SEPTIN8: variants seen among roughly 807,000 people sequenced by gnomAD.
The protein encoded by SEPTIN8 is septin-8.
SEPTIN8 carries 22 observed loss-of-function variants against 53.1 expected under a neutral mutation model. That is an observed-to-expected ratio of 0.41 (90% confidence interval 0.30 to 0.59). The LOEUF (loss-of-function observed/expected upper bound fraction) is 0.59, where lower values mean the gene tolerates loss of function less well. SEPTIN8 is among the 20% of genes least tolerant of loss of function. The pLI, the probability that SEPTIN8 is intolerant of heterozygous loss-of-function variation, is 0.24. For synonymous variants in SEPTIN8, 228 were observed against 248.4 expected (o/e 0.92, Z 0.77); for missense variants, 536 against 638.7 (o/e 0.84, Z 1.73).
At chr5:132,754,257 C>T in intron 9 of SEPTIN8, 1 of 615,384 alleles carries the variant, frequency 1.6e-6, no homozygotes, top group Non-Finnish European at 3.0e-6. Flanking sequence ...ATATCAAGAA[C>T]TCTCCTCTAG....
At position 132,751,864 on chromosome 5, in the gene SEPTIN8, T is replaced by G; in HGVS notation, c.*152A>C. On this transcript the variant is annotated 3_prime_UTR_variant, in exon 10 of 10. Transcript: ENST00000378719. ...AGGAATGAAAAGGGTTGGGCAACATTTGATGTTCCCTGATGGAAATTTAAA... is the reference window on the plus strand; with the variant it reads ...AGGAATGAAAAGGGTTGGGCAACATGTGATGTTCCCTGATGGAAATTTAAA... 2 of 1,362,470 alleles carry G rather than the reference T, an allele frequency of 1.5e-6. No individual in the cohort carries two copies. The highest frequency in any genetic ancestry group is 5.0e-5 in the East Asian group (2 of 39,978). The allele number at this position is 1,362,470 out of a possible 1,614,324, so 84.4% of individuals were successfully genotyped here.
At position 132,751,030 on chromosome 5, in the gene SEPTIN8, A is replaced by G; in HGVS notation, c.*986T>C. 1.9e-6 allele frequency: 3 copies of G among 1,606,384 alleles called. No homozygotes were observed. The highest frequency in any genetic ancestry group is 2.5e-6 in the Non-Finnish European group (3 of 1,177,188). ...AGGAGGTGTTTACAGAGTCTACCCT[A>G]AACTCGTTTGTGCCTTTGGAACAGC... On this transcript the variant is annotated 3_prime_UTR_variant, in exon 10 of 10. Transcript: ENST00000378719.
chr5:132,770,240 G>A (rs1351147372), intron 1 of SEPTIN8, among the ~76,000 whole-genome samples: 1 of 150,096 alleles, frequency 6.7e-6, no homozygotes, highest in Non-Finnish European at 1.5e-5. Flanking sequence ...CTGGAGTGGT[G>A]TGATCTCAGC....
At position 132,760,932 on chromosome 5, in the gene SEPTIN8, C is replaced by G; in HGVS notation, c.1156G>C (p.Glu386Gln). The change falls in exon 9 of 10, where the codon GAA (glutamate) becomes CAA (glutamine). Residue 386 changes from glutamate (E) to glutamine (Q), a missense_variant. Physicochemically the swap from Glu to Gln is conservative, Grantham distance 29. Around this residue, in one of 3 missense-constraint regions of SEPTIN8, gnomAD observed 133 missense variants for 157.4 expected, o/e 0.84. Transcript: ENST00000378719. The surrounding 1 kb of genome is among the most constrained non-coding windows in gnomAD (Gnocchi z 5.2). ...TCCTCCTCCAGTTCCCGGCGCTTTT[C>G]CTCCACCTTGCGCTTCTCCTCCTGG... ...VHQEEKRKVE[E>Q]KRRELEEETN... is the part of the protein sequence containing the mutation. 6.2e-7 allele frequency: 1 copy of G among 1,603,678 alleles called. No individual in the cohort carries two copies. Among genetic ancestry groups the G allele is most frequent in the Non-Finnish European group, 8.5e-7 (1 of 1,176,216 alleles).
chr5:132,758,151 C>T (rs1399564128), intron 9 of SEPTIN8: 11 of 1,037,284 alleles, frequency 1.1e-5, no homozygotes, highest in East Asian at 8.2e-5. Flanking sequence ...ACTGTCATTA[C>T]AGGAAGTTTA....
chr5:132,765,223 G>T (rs1756461429), intron 2 of SEPTIN8, among the ~76,000 whole-genome samples, 186 bp downstream of exon 2: 1 of 152,088 alleles, frequency 6.6e-6, no homozygotes, highest in African/African-American at 2.4e-5. Flanking sequence ...ACAATGCTGT[G>T]TCAGGCCCTG....
At chr5:132,778,135 A>T (rs1019204587), upstream of SEPTIN8, 18 of 943,830 alleles carry the variant, frequency 1.9e-5, no homozygotes, top group Non-Finnish European at 2.1e-5. Flanking sequence ...CTGACAATCT[A>T]TACAAAAGCA....
At position 132,777,195 on chromosome 5, in the gene SEPTIN8, C is replaced by G. The variant is rs1401297589; in HGVS notation, c.-58G>C. 1 of 1,162,228 alleles carries G rather than the reference C, an allele frequency of 8.6e-7. No homozygotes were observed. The allele number at this position is 1,162,228 out of a possible 1,614,324, so 72.0% of individuals were successfully genotyped here. On this transcript the variant is annotated 5_prime_UTR_variant, in exon 1 of 10. Coordinates refer to ENST00000378719, the MANE Select transcript of SEPTIN8 (RefSeq NM_001098811.2). The surrounding 1 kb of genome is among the most constrained non-coding windows in gnomAD (Gnocchi z 4.1). ...CGAGCGCAGGGGCAGCGACAGGGAC[C>G]AGCCGGCTGCGGGACGCGCTCCGCC...
chr5:132,752,961 T>C, intron 9 of SEPTIN8: 2 of 1,613,886 alleles, frequency 1.2e-6, no homozygotes, highest in African/African-American at 1.3e-5. Flanking sequence ...TTGTGTCACC[T>C]GCCAACTAGC....
At chr5:132,755,861 A>T in intron 9 of SEPTIN8, 1 of 660,736 alleles carries the variant, frequency 1.5e-6, no homozygotes, top group Non-Finnish European at 1.9e-6. Context: ...GTTTCCTATT[A>T]AAACAATTCC....
At chr5:132,769,023 A>C (rs1347506261) in intron 1 of SEPTIN8, among the ~76,000 whole-genome samples, 1 of 152,228 alleles carries the variant, frequency 6.6e-6, no homozygotes, top group Non-Finnish European at 1.5e-5. Flanking sequence ...AAGGAGGGAC[A>C]GTGTGGAAGG....
At chr5:132,758,571 C>A (rs1196239188) in intron 9 of SEPTIN8, 2 of 1,612,016 alleles carry the variant, frequency 1.2e-6, no homozygotes, top group Non-Finnish European at 1.7e-6. Context: ...AAAAAATAAA[C>A]CTCGTCAGTT....
rs1285307758 is a variant in SEPTIN8 at position 132,770,076 on chromosome 5, T to C, written c.31-4547A>G. 1.7e-3 allele frequency among the ~76,000 whole-genome samples: 106 copies of C among 60,696 alleles called. 2 individuals are homozygous for C. The African/African-American group carries it at 0.028, about 16-fold the overall frequency. The allele number at this position is 60,696 out of a possible 152,430, so 39.8% of individuals were successfully genotyped here. ...GTGTGTGTGTGTGTATATATATATATATATGTATATATGTATATATATATG... is the reference window on the plus strand; with the variant it reads ...GTGTGTGTGTGTGTATATATATATACATATGTATATATGTATATATATATG... On this transcript the variant is annotated intron_variant, in intron 1 of 9. Transcript: ENST00000378719.
In SEPTIN8 at chr5:132,760,946, T is replaced by C. The variant is rs201821365; in HGVS notation, c.1142A>G (p.Lys381Arg). 7.3e-5 allele frequency: 117 copies of C among 1,597,424 alleles called. No individual in the cohort carries two copies. Among genetic ancestry groups the C allele is most frequent in the Middle Eastern group, 5.2e-4 (3 of 5,818 alleles). The change falls in exon 9 of 10, where the codon AAG (lysine) becomes AGG (arginine). Residue 381 changes from lysine to arginine, a missense_variant. Around this residue, in one of 3 missense-constraint regions of SEPTIN8, gnomAD observed 133 missense variants for 157.4 expected, o/e 0.84. Transcript: ENST00000378719. This position sits in a 1 kb window ranked among gnomAD's most constrained non-coding sequence, Gnocchi z 5.2. ...CCGGCGCTTTTCCTCCACCTTGCGC[T>C]TCTCCTCCTGGTGGACCCGCTTCAG... ...EHLKRVHQEE[K>R]RKVEEKRREL...
intron 2 of SEPTIN8, 68 bp from the exon 3 acceptor site, chr5:132,764,487 T>C (rs1756377626): frequency 1.5e-6 from 2 of 1,364,448 alleles, no homozygotes; most frequent in South Asian, 2.8e-5. Context: ...CCTTGACTGG[T>C]GGCTAGGCCA....
chr5:132,762,755 G>A (rs888832082), intron 4 of SEPTIN8, 110 bp from the exon 5 acceptor site: 15 of 1,234,668 alleles, frequency 1.2e-5, no homozygotes, highest in Admixed American at 3.7e-5. Context: ...CCCTGGGCAG[G>A]GGGAAGGAGG....
At position 132,751,035 on chromosome 5, in the gene SEPTIN8, C is replaced by T. The variant is rs767510796; in HGVS notation, c.*981G>A. On this transcript the variant is annotated 3_prime_UTR_variant, in exon 10 of 10. Coordinates refer to ENST00000378719, the MANE Select transcript of SEPTIN8 (RefSeq NM_001098811.2). Reference sequence around the variant, plus strand: ...GTGTTTACAGAGTCTACCCTAAACTCGTTTGTGCCTTTGGAACAGCTGTTT... The same window carrying T: ...GTGTTTACAGAGTCTACCCTAAACTTGTTTGTGCCTTTGGAACAGCTGTTT... 9.4e-6 allele frequency: 15 copies of T among 1,603,612 alleles called. No individual in the cohort carries two copies. The Middle Eastern group carries it at 5.0e-4, about 53-fold the overall frequency.
At position 132,770,789 on chromosome 5, in the gene SEPTIN8, T is replaced by C. The variant is rs181435721; in HGVS notation, c.31-5260A>G. Among the ~76,000 whole-genome samples, 230 of 152,290 alleles carry C rather than the reference T, an allele frequency of 1.5e-3. 1 individual carries two copies. Among genetic ancestry groups the C allele is most frequent in the African/African-American group, 5.2e-3 (217 of 41,556 alleles). ...GGCTCATTCCACACACCCAGCTCCCTGAGGTGCTCACACAGGGGTGAGCGT... is the reference window on the plus strand; with the variant it reads ...GGCTCATTCCACACACCCAGCTCCCCGAGGTGCTCACACAGGGGTGAGCGT... On this transcript the variant is annotated intron_variant, in intron 1 of 9. Transcript: ENST00000378719.
At position 132,764,256 on chromosome 5, in the gene SEPTIN8, C is replaced by T. The variant is rs772460522; in HGVS notation, c.315G>A (p.Val105=). ...VQLKLTIVDA[V]GFGDQINKDE... is the part of the protein sequence containing the mutation. ...CCTTATTGATCTGATCCCCAAAGCC[C>T]ACGGCATCCACAATGGTCAGCTTGA... is the stretch of plus-strand genomic sequence containing the variant. The change falls in exon 3 of 10, where the codon GTG becomes GTA. Residue 105 remains valine (V), a synonymous_variant. Transcript: ENST00000378719. 7 of 1,613,810 alleles carry T rather than the reference C, an allele frequency of 4.3e-6. No individual in the cohort carries two copies. Among genetic ancestry groups the T allele is most frequent in the Non-Finnish European group, 8.5e-7 (1 of 1,179,920 alleles).
Sources: gnomAD v4.1 joint callset for allele counts (sites outside exome capture counted in the v4.1 genomes callset) on GRCh38, gnomAD v4.1.1 for gene constraint, gnomAD v4.1.1 regional missense constraint, Gnocchi (gnomAD v3.1) non-coding constraint, MANE v1.5 for transcripts, NCBI Gene and HGNC (gene_info 2026-07-23, HGNC 2026-07-21) for gene names.